Variants in IRAG2 observed in about 807,000 individuals in gnomAD.
IRAG2 encodes the protein inositol 1,4,5-triphosphate receptor associated 2.
IRAG2 carries 45 observed loss-of-function variants against 69.9 expected under a neutral mutation model. The ratio of observed to expected loss-of-function variants is 0.64; its 90% CI spans 0.51 to 0.83. The LOEUF (loss-of-function observed/expected upper bound fraction) is 0.83. Among genes scored for constraint, IRAG2 ranks in the 40% least tolerant of loss-of-function variants. The pLI is 0.00. For missense variants in IRAG2, 520 were observed against 587.0 expected, an observed-to-expected ratio of 0.89 and a Z score of 1.18; for synonymous variants, 193 against 202.4, an observed-to-expected ratio of 0.95 and a Z score of 0.40.
chr12:24,997,974 C>T, the IRAG2 span, among the ~76,000 whole-genome samples: 5 of 152,154 alleles, frequency 3.3e-5, no homozygotes, highest in Non-Finnish European at 7.4e-5. Context: ...TAAATTAATC[C>T]TGCCATTTTC....
At chr12:25,021,091 C>CTTTTTTTTTTTTTTTTTTTTT (rs71063389) in intron 7 of IRAG2, 7 of 266,016 alleles carry the variant, frequency 2.6e-5, no homozygotes, top group Non-Finnish European at 4.0e-5. Flanking sequence ...TCTTTCTTTT[C>CTTTTTTTTTTTTTTTTTTTTT]TTTTTTTTTT....
intron 16 of IRAG2, among the ~76,000 whole-genome samples, chr12:25,038,956 T>C (rs535929517): frequency 1.3e-5 from 2 of 152,310 alleles, no homozygotes; most frequent in South Asian, 4.1e-4. Flanking sequence ...AGGGAATAGA[T>C]GGTAACAAAT....
At chr12:25,072,481 A>G (rs1946403245) in intron 6 of IRAG2, among the ~76,000 whole-genome samples, 1 of 152,054 alleles carries the variant, frequency 6.6e-6, no homozygotes, top group African/African-American at 2.4e-5. Context: ...GCAACTCCCC[A>G]CCTACCATCA....
In IRAG2 at chr12:25,011,515, T is replaced by C. The variant is rs947742133; in HGVS notation, c.860T>C (p.Met287Thr). 12 of 1,231,574 alleles carry C rather than the reference T, an allele frequency of 9.7e-6. No individual in the cohort carries two copies. In the African/African-American group the frequency reaches 1.2e-4, roughly 13 times the overall value. 76.3% of individuals were successfully genotyped at this position (1,231,574 alleles called of 1,614,324 possible). A position where few individuals can be genotyped will look rare whatever the true frequency, so the allele number is the denominator to read the frequency against. The stretch of plus-strand genomic sequence containing the variant: ...GTGGACCTGGAAACTTTCCAGGCCA[T>C]GATGAAAGACTGGATGGCTTACTGT... The change falls in exon 3 of 39, where the codon ATG becomes ACG. Residue 287 changes from methionine to threonine, a missense_variant. Physicochemically the swap from Met to Thr is moderately conservative, Grantham distance 81. Coordinates refer to the IRAG2 transcript ENST00000636465.
rs138913885 is a variant in IRAG2, at chr12:25,004,668, A to G, written c.327A>G (p.Thr109=). The change falls in exon 1 of 39, where the codon ACA becomes ACG. Residue 109 remains threonine (T), a synonymous_variant. Coordinates refer to the IRAG2 transcript ENST00000636465. ...ACCTCAGCTCCCCTGAGACTGCAAC[A>G]TACTCTGTTATTCTCACAAGTTCTG... The G allele has an allele frequency of 1.3e-3, 1,653 of 1,232,134 alleles. 14 individuals are homozygous for G. In the African/African-American group the frequency reaches 0.021, roughly 15 times the overall value. The allele number at this position is 1,232,134 out of a possible 1,614,324, so 76.3% of individuals were successfully genotyped here. A position where few individuals can be genotyped will look rare whatever the true frequency, so the allele number is the denominator to read the frequency against.
At chr12:25,002,963 G>A (rs1296869581), upstream of IRAG2, among the ~76,000 whole-genome samples, 1 of 152,092 alleles carries the variant, frequency 6.6e-6, no homozygotes, top group African/African-American at 2.4e-5. Flanking sequence ...CTTGAATAGA[G>A]GGAAAGAAGG....
chr12:25,107,078 C>A, intron 21 of IRAG2, 28 bp downstream of exon 21: 2 of 1,299,516 alleles, frequency 1.5e-6, no homozygotes, highest in Non-Finnish European at 1.1e-6. Context: ...TAAATTCTAC[C>A]ATTTTAGTGG....
At chr12:25,029,298 C>T (rs1190412701) in intron 9 of IRAG2, among the ~76,000 whole-genome samples, 2 of 152,150 alleles carry the variant, frequency 1.3e-5, no homozygotes, top group African/African-American at 4.8e-5. Flanking sequence ...CTGTGATAAA[C>T]CAGTGGAAAG....
upstream of IRAG2, among the ~76,000 whole-genome samples, chr12:25,000,396 G>T (rs1386020328): frequency 6.6e-6 from 1 of 152,104 alleles, no homozygotes; most frequent in Admixed American, 6.5e-5. Flanking sequence ...CCAGTGAGCC[G>T]AGATTGTGCC....
intron 5 of IRAG2, among the ~76,000 whole-genome samples, chr12:25,068,975 G>A (rs868039867): frequency 3.9e-5 from 6 of 152,074 alleles, no homozygotes; most frequent in African/African-American, 1.4e-4. Flanking sequence ...ATCCTCCTTC[G>A]GTGCTCATTT....
chr12:25,031,645 CGT>C (rs377409117), intron 10 of IRAG2, among the ~76,000 whole-genome samples: 6 of 151,330 alleles, frequency 4.0e-5, no homozygotes, highest in South Asian at 2.1e-4. Flanking sequence ...CCTTTTTGTC[CGT>C]GTGTGTGTGT....
At chr12:25,008,266 G>A (rs1172429905) in intron 2 of IRAG2, among the ~76,000 whole-genome samples, 1 of 152,108 alleles carries the variant, frequency 6.6e-6, no homozygotes, top group East Asian at 1.9e-4. Context: ...AGAGAGGCAG[G>A]ATAAAAGCTT....
intron 6 of IRAG2, among the ~76,000 whole-genome samples, chr12:25,018,980 T>C (rs1252545223): frequency 1.3e-5 from 2 of 152,220 alleles, no homozygotes; most frequent in Non-Finnish European, 1.5e-5. Context: ...TATTAACCAT[T>C]GAGGTGGGAG....
At chr12:25,084,598 G>A (rs544213636) in intron 10 of IRAG2, among the ~76,000 whole-genome samples, 119 of 151,166 alleles carry the variant, frequency 7.9e-4, no homozygotes, top group Non-Finnish European at 1.5e-3. Flanking sequence ...CAATATACAA[G>A]CATTGTTCTA....
chr12:25,011,409 C>A, exon 3 of IRAG2: 2 of 1,231,634 alleles, frequency 1.6e-6, no homozygotes, highest in Non-Finnish European at 2.0e-6. Flanking sequence ...TTTCCTGAGA[C>A]AAACAACTAG....
In IRAG2 at chr12:25,090,201, A is replaced by G. The variant is rs1006930175; in HGVS notation, c.606+4A>G. On this transcript the variant is annotated splice_donor_region_variant and intron_variant, in intron 14 of 21. Coordinates refer to ENST00000556887, the MANE Select transcript of IRAG2 (RefSeq NM_001366544.2). ...TAACTGTTTAAAACTATTAGAGGTGAGAATCAGAACATTTGGGATATAAAC... is the reference window on the plus strand; with the variant it reads ...TAACTGTTTAAAACTATTAGAGGTGGGAATCAGAACATTTGGGATATAAAC... The G allele has an allele frequency of 3.7e-6, 6 of 1,612,866 alleles. No individual in the cohort carries two copies. The Admixed American group carries it at 6.7e-5, about 18-fold the overall frequency.
chr12:25,031,020 AG>A, intron 10 of IRAG2: 1 of 985,334 alleles, frequency 1.0e-6, no homozygotes, highest in Non-Finnish European at 1.2e-6. Context: ...CCGGCTACAA[AG>A]GTGCTGGTTA....
intron 16 of IRAG2, among the ~76,000 whole-genome samples, chr12:25,044,819 A>G (rs10743532): frequency 0.81 from 123,923 of 152,072 alleles, 51,638 homozygotes; most frequent in Middle Eastern, 0.94. Context: ...AAAATAATAA[A>G]AGACTGTAGT....
exon 4 of IRAG2, chr12:25,015,196 A>G: frequency 8.3e-7 from 1 of 1,198,996 alleles, no homozygotes; most frequent in African/African-American, 1.7e-5. Context: ...GGAGTGAATC[A>G]TAGATTAAGC....
Sources: gnomAD v4.1 joint callset for allele counts (sites outside exome capture counted in the v4.1 genomes callset) on GRCh38, gnomAD v4.1.1 for gene constraint, MANE v1.5 for transcripts, NCBI Gene and HGNC (gene_info 2026-07-23, HGNC 2026-07-21) for gene names.